The following DHRSX variants were observed in gnomAD, a reference collection of about 807,000 sequenced individuals.
DHRSX encodes dehydrogenase/reductase X-linked, also known as polyprenol dehydrogenase.
A neutral mutation model predicts 34.0 loss-of-function variants in DHRSX; 31 were observed. The observed-to-expected ratio is 0.91, with a 90% CI of 0.69 to 1.23. The LOEUF (loss-of-function observed/expected upper bound fraction) is 1.23. Ranked by LOEUF, DHRSX falls within the 50% of genes most tolerant of loss-of-function variation. The pLI, the probability that DHRSX is intolerant of heterozygous loss-of-function variation, is 0.00. For missense variants in DHRSX, 414 were observed against 428.1 expected (o/e 0.97, Z 0.29); for synonymous variants, 201 against 183.8 (o/e 1.09, Z -0.76).
At chrX:2,224,516 C>T (rs183340937) in intron 6 of DHRSX, among the ~76,000 whole-genome samples, 1 of 152,208 alleles carries the variant, frequency 6.6e-6, no homozygotes, top group East Asian at 1.9e-4. Flanking sequence ...AGACAGCAAG[C>T]GCATTGTGCT....
At chrX:2,402,302 G>A (rs1490006455) in intron 3 of DHRSX, among the ~76,000 whole-genome samples, 1 of 152,274 alleles carries the variant, frequency 6.6e-6, no homozygotes, top group African/African-American at 2.4e-5. Flanking sequence ...ACTGGAGGTT[G>A]TGGGGACAAG....
chrX:2,383,713 G>A (rs1180378858), intron 3 of DHRSX, among the ~76,000 whole-genome samples: 5 of 152,286 alleles, frequency 3.3e-5, no homozygotes, highest in South Asian at 4.1e-4. Context: ...AACAACCAAC[G>A]ATACAATGTG....
At chrX:2,255,994 T>C (rs1160048701) in intron 5 of DHRSX, among the ~76,000 whole-genome samples, 2 of 151,382 alleles carry the variant, frequency 1.3e-5, no homozygotes, top group Non-Finnish European at 2.9e-5. Flanking sequence ...TAGAAAATGA[T>C]TTTGGAAGGT....
chrX:2,464,834 G>A (rs1288337811), intron 1 of DHRSX, among the ~76,000 whole-genome samples: 1 of 152,050 alleles, frequency 6.6e-6, no homozygotes, highest in Admixed American at 6.6e-5. Context: ...TGCAGCCAAG[G>A]AACGGCCACC....
At chrX:2,308,289 ACACT>A (rs1345309062) in intron 3 of DHRSX, among the ~76,000 whole-genome samples, 2 of 152,032 alleles carry the variant, frequency 1.3e-5, no homozygotes, top group African/African-American at 4.8e-5. Context: ...GTGGCCTCCT[ACACT>A]CAGAGCCTGT....
intron 6 of DHRSX, among the ~76,000 whole-genome samples, chrX:2,229,620 G>C (rs1321278413): frequency 6.6e-6 from 1 of 152,052 alleles, no homozygotes; most frequent in Non-Finnish European, 1.5e-5. Context: ...GTGTGTACTT[G>C]TGGGTAGATG....
At chrX:2,365,079 G>C (rs1435149437) in intron 3 of DHRSX, among the ~76,000 whole-genome samples, 1 of 152,060 alleles carries the variant, frequency 6.6e-6, no homozygotes, top group Admixed American at 6.6e-5. Context: ...AACAATGCCT[G>C]CCTCAAAAAT....
chrX:2,346,884 G>A (rs2042724829), intron 3 of DHRSX, among the ~76,000 whole-genome samples: 1 of 151,916 alleles, frequency 6.6e-6, no homozygotes, highest in Non-Finnish European at 1.5e-5. Context: ...CCACTTATGA[G>A]TGAGAACATG....
chrX:2,297,400 G>A (rs1292844328), intron 3 of DHRSX, among the ~76,000 whole-genome samples: 3 of 152,132 alleles, frequency 2.0e-5, no homozygotes, highest in African/African-American at 4.8e-5. Context: ...TGGGATTACC[G>A]TCGTGAGCCA....
chrX:2,480,508 C>T (rs962269598), intron 1 of DHRSX, among the ~76,000 whole-genome samples: 12 of 111,342 alleles, frequency 1.1e-4, no homozygotes, highest in African/African-American at 3.0e-4. Context: ...ATAATGAAAC[C>T]GCATCTTTAA....
intron 3 of DHRSX, among the ~76,000 whole-genome samples, chrX:2,356,015 G>C (rs1189332268): frequency 6.7e-6 from 1 of 149,958 alleles, no homozygotes; most frequent in African/African-American, 2.5e-5. Context: ...GCAGTGAGCC[G>C]AGATTGCGCC....
At chrX:2,313,903 C>T (rs2042194124) in intron 3 of DHRSX, among the ~76,000 whole-genome samples, 2 of 151,872 alleles carry the variant, frequency 1.3e-5, no homozygotes, top group Admixed American at 6.6e-5. Flanking sequence ...GACAACTCAA[C>T]CTGGGGGCTG....
intron 3 of DHRSX, among the ~76,000 whole-genome samples, chrX:2,330,590 GAAGGGAAGGAAA>G (rs1776213667): frequency 6.7e-6 from 1 of 148,660 alleles, no homozygotes; most frequent in Non-Finnish European, 1.5e-5. Flanking sequence ...GAAGAGAGGG[GAAGGGAAGGAAA>G]GGGAGAAGGA....
At chrX:2,399,740 A>C (rs1380437036) in intron 3 of DHRSX, among the ~76,000 whole-genome samples, 11 of 144,634 alleles carry the variant, frequency 7.6e-5, no homozygotes, top group African/African-American at 1.3e-4. Flanking sequence ...AAAAAAAAAA[A>C]AACAAAAAAA....
At chrX:2,448,897 A>G (rs2044177350) in intron 1 of DHRSX, among the ~76,000 whole-genome samples, 2 of 152,168 alleles carry the variant, frequency 1.3e-5, no homozygotes, top group South Asian at 4.1e-4. Context: ...CTCAAGGTGT[A>G]TCCACACTGG....
chrX:2,397,571 C>A (rs1435261387), intron 3 of DHRSX, among the ~76,000 whole-genome samples: 5 of 147,622 alleles, frequency 3.4e-5, no homozygotes, highest in Non-Finnish European at 4.5e-5. Flanking sequence ...CATTCACAGA[C>A]AAAAAAAAAA....
intron 3 of DHRSX, among the ~76,000 whole-genome samples, chrX:2,378,518 C>A (rs188620823): frequency 1.3e-5 from 2 of 152,152 alleles, no homozygotes; most frequent in African/African-American, 4.8e-5. Flanking sequence ...ACCTGATAAA[C>A]AGTAAAGATA....
intron 3 of DHRSX, among the ~76,000 whole-genome samples, chrX:2,362,683 G>A (rs1024165942): frequency 2.0e-5 from 3 of 152,116 alleles, no homozygotes; most frequent in Non-Finnish European, 2.9e-5. Context: ...CCAACCACAG[G>A]TGCTCCCATT....
chrX:2,326,359 C>T (rs1250082782), intron 3 of DHRSX, among the ~76,000 whole-genome samples: 1 of 151,988 alleles, frequency 6.6e-6, no homozygotes, highest in Non-Finnish European at 1.5e-5. Context: ...CCCGTCTCTA[C>T]TAAAAATACA....
Sources: gnomAD v4.1 joint callset for allele counts (sites outside exome capture counted in the v4.1 genomes callset) on GRCh38, gnomAD v4.1.1 for gene constraint, MANE v1.5 for transcripts, NCBI Gene and HGNC (gene_info 2026-07-23, HGNC 2026-07-21) for gene names.